The following ATR variants were observed in gnomAD, a reference collection of about 807,000 sequenced individuals.
ATR encodes ATR checkpoint kinase, also known as serine/threonine-protein kinase ATR.
In ATR, 142 loss-of-function variants were observed where a neutral mutation model predicts 305.3. That is an observed-to-expected ratio of 0.47 (90% confidence interval 0.41 to 0.53). The LOEUF (loss-of-function observed/expected upper bound fraction) is 0.53, where lower values mean the gene tolerates loss of function less well. Among genes scored for constraint, ATR ranks in the 20% least tolerant of loss-of-function variants. ATR has a pLI of 0.00. For missense variants in ATR, 2,135 were observed against 3,133.1 expected (o/e 0.68, Z 7.60); for synonymous variants, 1,050 against 1,068.1 (o/e 0.98, Z 0.33).
intron 3 of ATR, among the ~76,000 whole-genome samples, chr3:142,565,334 C>CA (rs1358469690): frequency 1.3e-5 from 2 of 151,870 alleles, no homozygotes; most frequent in African/African-American, 2.4e-5. Context: ...AAAGTTTGAA[C>CA]AAAAAATTTT....
chr3:142,502,893 T>C (rs997759774), intron 30 of ATR, among the ~76,000 whole-genome samples: 2 of 152,232 alleles, frequency 1.3e-5, no homozygotes, highest in Admixed American at 6.5e-5. Flanking sequence ...TTATTTTTTG[T>C]TTAATTTGAT....
chr3:142,565,756 AAAG>A (rs2035047532), intron 3 of ATR, among the ~76,000 whole-genome samples: 1 of 150,090 alleles, frequency 6.7e-6, no homozygotes, highest in Non-Finnish European at 1.5e-5. Context: ...AAAAAAAAAA[AAAG>A]GAAACAAAAC....
At chr3:142,458,878 G>A (rs2070964834) in intron 44 of ATR, 80 bp downstream of exon 44, 2 of 1,479,046 alleles carry the variant, frequency 1.4e-6, no homozygotes, top group African/African-American at 2.8e-5. Context: ...CTACTAACAG[G>A]TATGTCAAGG....
intron 36 of ATR, among the ~76,000 whole-genome samples, chr3:142,484,120 G>T (rs1239736623): frequency 6.6e-6 from 1 of 152,086 alleles, no homozygotes; most frequent in African/African-American, 2.4e-5. Flanking sequence ...CTCTCTATGA[G>T]CTTCTCCTGT....
At chr3:142,458,365 A>G (rs571606279) in intron 44 of ATR, among the ~76,000 whole-genome samples, 5 of 152,326 alleles carry the variant, frequency 3.3e-5, no homozygotes, top group East Asian at 1.9e-4. Context: ...AGTTGGATCT[A>G]TGATCTTTCT....
intron 1 of ATR, among the ~76,000 whole-genome samples, chr3:142,576,515 A>G (rs2035444340): frequency 6.6e-6 from 1 of 152,220 alleles, no homozygotes; most frequent in South Asian, 2.1e-4. Flanking sequence ...CTAGATTTCC[A>G]GTTTGGAGAA....
chr3:142,575,991 T>C lies in ATR; in HGVS notation c.59+2655A>G, dbSNP rs560958047. Among the ~76,000 whole-genome samples the C allele has an allele frequency of 2.0e-5, 3 of 152,316 alleles. No individual in the cohort carries two copies. The South Asian group carries it at 6.2e-4, about 32-fold the overall frequency. On this transcript the variant is annotated intron_variant, in intron 1 of 46. Coordinates refer to ENST00000350721, the MANE Select transcript of ATR (RefSeq NM_001184.4). The stretch of plus-strand genomic sequence containing the variant: ...GCAGGGGAACTTACAATATGACTAA[T>C]AGATGAAAAATCACTTTACTGAGTG...
chr3:142,512,116 C>T (rs914359297), intron 27 of ATR, 144 bp downstream of exon 27: 9 of 796,674 alleles, frequency 1.1e-5, no homozygotes, highest in Admixed American at 2.7e-5. Flanking sequence ...GAAACTCCAT[C>T]TCCAAACAAC....
chr3:142,471,003 G>C (rs886676011), intron 36 of ATR, among the ~76,000 whole-genome samples: 3 of 152,118 alleles, frequency 2.0e-5, no homozygotes, highest in African/African-American at 7.2e-5. Context: ...TAATATGGTT[G>C]TACATTCACA....
chr3:142,480,469 C>T (rs915411730), intron 36 of ATR, among the ~76,000 whole-genome samples: 29 of 152,314 alleles, frequency 1.9e-4, no homozygotes, highest in African/African-American at 6.7e-4. Context: ...AAGGGGTACC[C>T]GGCCGTGTGA....
intron 19 of ATR, among the ~76,000 whole-genome samples, chr3:142,537,706 CAAAGG>C (rs2033908330): frequency 4.6e-5 from 7 of 151,632 alleles, no homozygotes; most frequent in Admixed American, 4.6e-4. Flanking sequence ...TTTTCACAAG[CAAAGG>C]AATGATTATA....
At chr3:142,450,753 G>T in intron 46 of ATR, 1 of 1,523,532 alleles carries the variant, frequency 6.6e-7, no homozygotes, top group Non-Finnish European at 8.9e-7. Context: ...CAGGTCTTCA[G>T]CACCCTAATA....
At chr3:142,490,408 T>C (rs2031209677) in intron 35 of ATR, among the ~76,000 whole-genome samples, 1 of 152,198 alleles carries the variant, frequency 6.6e-6, no homozygotes, top group African/African-American at 2.4e-5. Flanking sequence ...ATAATTTAGC[T>C]ACAAATCCTC....
chr3:142,539,461 T>C (rs566814544), intron 18 of ATR, among the ~76,000 whole-genome samples: 1 of 152,284 alleles, frequency 6.6e-6, no homozygotes, highest in Non-Finnish European at 1.5e-5. Context: ...TAAAAAAGGA[T>C]AGTGACTTTA....
intron 36 of ATR, 34 bp from the exon 37 acceptor site, chr3:142,470,217 T>C: frequency 6.8e-7 from 1 of 1,475,808 alleles, no homozygotes; most frequent in African/African-American, 1.4e-5. Context: ...ACTATTAGCA[T>C]AGCTGTCATT....
chr3:142,463,840 A>C (rs1312565562), intron 41 of ATR, among the ~76,000 whole-genome samples: 1 of 152,184 alleles, frequency 6.6e-6, no homozygotes, highest in Non-Finnish European at 1.5e-5. Flanking sequence ...TATCTTTTCT[A>C]TGCTAAAGAT....
chr3:142,542,558 T>C, intron 17 of ATR, 107 bp downstream of exon 17: 1 of 1,021,006 alleles, frequency 9.8e-7, no homozygotes. Flanking sequence ...CAATAGAGAA[T>C]GTCATATTTG....
chr3:142,521,537 T>C (rs1359681524), intron 23 of ATR, among the ~76,000 whole-genome samples: 1 of 152,250 alleles, frequency 6.6e-6, no homozygotes, highest in Non-Finnish European at 1.5e-5. Context: ...AAGAATTCAC[T>C]ATTCTAGATA....
At chr3:142,491,314 T>C (rs1486934812) in intron 35 of ATR, among the ~76,000 whole-genome samples, 2 of 152,210 alleles carry the variant, frequency 1.3e-5, no homozygotes, top group African/African-American at 4.8e-5. Flanking sequence ...GTCTACATCA[T>C]GTATAGGCAA....
Sources: gnomAD v4.1 joint callset for allele counts (sites outside exome capture counted in the v4.1 genomes callset) on GRCh38, gnomAD v4.1.1 for gene constraint, MANE v1.5 for transcripts, NCBI Gene and HGNC (gene_info 2026-07-23, HGNC 2026-07-21) for gene names.